The following CDC42BPA variants were observed in gnomAD, a reference collection of about 807,000 sequenced individuals.
The protein encoded by CDC42BPA is CDC42 binding protein kinase alpha.
Under a neutral mutation model 223.5 loss-of-function variants are expected in CDC42BPA, and 80 were observed. The ratio of observed to expected loss-of-function variants is 0.36; its 90% CI spans 0.30 to 0.43. CDC42BPA has a LOEUF of 0.43. CDC42BPA is among the 20% of genes least tolerant of loss of function. The probability of loss-of-function intolerance (pLI) is 1.00; values close to 1 mark genes in which losing one functional copy is unlikely to be tolerated. For synonymous variants in CDC42BPA, 694 were observed against 718.6 expected (o/e 0.97, Z 0.55); for missense variants, 1,743 against 2,099.9 (o/e 0.83, Z 3.32).
chr1:227,086,858 A>C (rs1271184916), intron 16 of CDC42BPA, among the ~76,000 whole-genome samples: 5 of 151,974 alleles, frequency 3.3e-5, no homozygotes, highest in Non-Finnish European at 7.4e-5. Context: ...TTTTGTGTAG[A>C]GATAAGGTCT....
At chr1:227,218,526 C>A (rs1675277399) in intron 2 of CDC42BPA, among the ~76,000 whole-genome samples, 2 of 152,180 alleles carry the variant, frequency 1.3e-5, no homozygotes, top group Admixed American at 1.3e-4. Flanking sequence ...ATTCTACAAT[C>A]CCCACTTAAA....
intron 15 of CDC42BPA, among the ~76,000 whole-genome samples, chr1:227,100,649 C>T (rs139280322): frequency 6.6e-6 from 1 of 151,746 alleles, no homozygotes; most frequent in East Asian, 1.9e-4. Flanking sequence ...GTTGCCTGGG[C>T]TGGGCTTGAA....
At chr1:227,188,528 A>T (rs1002011919) in intron 5 of CDC42BPA, among the ~76,000 whole-genome samples, 11 of 152,226 alleles carry the variant, frequency 7.2e-5, no homozygotes, top group African/African-American at 2.7e-4. Context: ...TGCCGACAAT[A>T]GAATGTTACT....
At chr1:227,120,451 C>A (rs1231027643) in intron 11 of CDC42BPA, among the ~76,000 whole-genome samples, 3 of 152,162 alleles carry the variant, frequency 2.0e-5, no homozygotes, top group African/African-American at 7.2e-5. Context: ...TAAATCAATT[C>A]TCCTATTTTT....
intron 16 of CDC42BPA, 24 bp from the exon 17 acceptor site, chr1:227,081,041 C>T (rs1449699067): frequency 1.9e-6 from 3 of 1,611,704 alleles, no homozygotes; most frequent in Non-Finnish European, 1.7e-6. Flanking sequence ...TTAAGACATG[C>T]ATGACTTTTA....
At chr1:227,091,255 G>A (rs1254467061) in intron 16 of CDC42BPA, among the ~76,000 whole-genome samples, 1 of 152,208 alleles carries the variant, frequency 6.6e-6, no homozygotes, top group Non-Finnish European at 1.5e-5. Flanking sequence ...TGACTTCAAT[G>A]TCTGTCTCCT....
At chr1:227,049,922 T>C (rs1189953185) in intron 22 of CDC42BPA, among the ~76,000 whole-genome samples, 4 of 150,856 alleles carry the variant, frequency 2.7e-5, no homozygotes, top group East Asian at 1.9e-4. Context: ...GAAGAAAATA[T>C]AGAAGAAAAT....
intron 9 of CDC42BPA, among the ~76,000 whole-genome samples, chr1:227,141,886 T>C (rs1422213613): frequency 6.6e-6 from 1 of 152,128 alleles, no homozygotes; most frequent in Non-Finnish European, 1.5e-5. Context: ...GGGGGATCAT[T>C]TGTGCCCAGG....
chr1:227,031,097 T>G (rs1362570981), intron 28 of CDC42BPA, among the ~76,000 whole-genome samples: 3 of 152,146 alleles, frequency 2.0e-5, no homozygotes, highest in Non-Finnish European at 4.4e-5. Context: ...AAAGGCACTT[T>G]GAAAGTGTAT....
chr1:227,152,006 G>C (rs1661868259), intron 6 of CDC42BPA, among the ~76,000 whole-genome samples: 1 of 151,674 alleles, frequency 6.6e-6, no homozygotes, highest in African/African-American at 2.4e-5. Flanking sequence ...CTAGGCGACA[G>C]AGCAAGACTC....
intron 25 of CDC42BPA, 148 bp downstream of exon 25, chr1:227,035,323 T>C: frequency 1.7e-6 from 1 of 605,220 alleles, no homozygotes; most frequent in South Asian, 2.5e-5. Context: ...TGTTTGCAAA[T>C]CATTATTCTA....
chr1:227,023,322 G>A lies in CDC42BPA; in HGVS notation c.4556C>T (p.Ser1519Leu). The stretch of plus-strand genomic sequence containing the variant: ...GGTCTCCAACCCTAAAAGATTTAAT[G>A]ATCCTTCATTGTTTAAGGGTCGAAC... ...KKVRPLNNEG[S>L]LNLLGLETIR... Residue 1519 changes from serine (S) to leucine (L), a missense_variant, in exon 32 of 37, where the codon TCA becomes TTA. Ser to Leu is a moderately radical substitution (Grantham distance 145, BLOSUM62 -2). Transcript: ENST00000366766. The A allele has an allele frequency of 6.5e-7, 1 of 1,546,626 alleles. No homozygotes were observed. Among genetic ancestry groups the A allele is most frequent in the Non-Finnish European group, 8.9e-7 (1 of 1,128,938 alleles).
Position 226,994,241 on chromosome 1 carries a change from A to G in CDC42BPA, c.*27T>C. On this transcript the variant is annotated 3_prime_UTR_variant, in exon 37 of 37. Coordinates refer to ENST00000366766, the MANE Select transcript of CDC42BPA (RefSeq NM_001394014.1). The surrounding 1 kb of genome is among the most constrained non-coding windows in gnomAD (Gnocchi z 4.0). ...AGGAGGCGAGTGGCAGGGAGCGGAG[A>G]GCGAGAGGTCCCAGTGCTGAGGCAG... is the stretch of plus-strand genomic sequence containing the variant. 1 of 1,553,562 alleles carries G rather than the reference A, an allele frequency of 6.4e-7. No individual in the cohort carries two copies. Among genetic ancestry groups the G allele is most frequent in the Non-Finnish European group, 8.7e-7 (1 of 1,147,378 alleles).
At chr1:227,290,773 G>A (rs1304915406) in intron 1 of CDC42BPA, among the ~76,000 whole-genome samples, 1 of 152,080 alleles carries the variant, frequency 6.6e-6, no homozygotes, top group Non-Finnish European at 1.5e-5. Flanking sequence ...CTTACACACA[G>A]TAACACTGGC....
chr1:227,018,818 C>T (rs1285692782), intron 32 of CDC42BPA, among the ~76,000 whole-genome samples: 4 of 151,986 alleles, frequency 2.6e-5, no homozygotes, highest in Non-Finnish European at 5.9e-5. Flanking sequence ...TGCAACAGTA[C>T]GTGTCTAAAA....
At chr1:227,100,084 T>C (rs747092320) in intron 15 of CDC42BPA, among the ~76,000 whole-genome samples, 2 of 152,186 alleles carry the variant, frequency 1.3e-5, no homozygotes, top group Non-Finnish European at 2.9e-5. Flanking sequence ...ATAACATATA[T>C]TCAGTTGCCT....
chr1:227,316,751 C>T (rs562909473), intron 1 of CDC42BPA, among the ~76,000 whole-genome samples: 1 of 152,296 alleles, frequency 6.6e-6, no homozygotes, highest in East Asian at 1.9e-4. Context: ...TTACTGTTGA[C>T]CTAAAAACAT....
At position 227,029,167 on chromosome 1, in the gene CDC42BPA, G is replaced by C; in HGVS notation, c.3922C>G (p.Arg1308Gly). 1 of 1,603,682 alleles carries C rather than the reference G, an allele frequency of 6.2e-7. No homozygotes were observed. Among genetic ancestry groups the C allele is most frequent in the South Asian group, 1.1e-5 (1 of 91,088 alleles). The change falls in exon 30 of 37, where the codon CGA (arginine) becomes GGA (glycine). Residue 1308 changes from arginine (R) to glycine (G), a missense_variant. By Grantham distance (125) the Arg-to-Gly change is moderately radical (BLOSUM62 -2). Transcript: ENST00000366766. ...NDQLVAVISG[R>G]NRHVRLFPMS... ...GGAAAAAGTCGTACATGACGATTTCGTCCTGAGATCACAGCAACAAGCTGA... is the reference window on the plus strand; with the variant it reads ...GGAAAAAGTCGTACATGACGATTTCCTCCTGAGATCACAGCAACAAGCTGA...
At chr1:227,156,805 C>T (rs1327245075) in intron 6 of CDC42BPA, among the ~76,000 whole-genome samples, 1 of 152,188 alleles carries the variant, frequency 6.6e-6, no homozygotes, top group Non-Finnish European at 1.5e-5. Flanking sequence ...ATATGCAGGA[C>T]TGGAGAATCA....
Sources: gnomAD v4.1 joint callset for allele counts (sites outside exome capture counted in the v4.1 genomes callset) on GRCh38, gnomAD v4.1.1 for gene constraint, Gnocchi (gnomAD v3.1) non-coding constraint, MANE v1.5 for transcripts, NCBI Gene and HGNC (gene_info 2026-07-23, HGNC 2026-07-21) for gene names.